TULP4: variants seen among roughly 807,000 people sequenced by gnomAD.
The protein encoded by TULP4 is tubby-related protein 4.
TULP4 carries 16 observed loss-of-function variants against 129.0 expected under a neutral mutation model. That is an observed-to-expected ratio of 0.12 (90% confidence interval 0.08 to 0.19). TULP4 has a LOEUF of 0.19. TULP4 is among the 10% of genes least tolerant of loss of function. TULP4 has a pLI of 1.00. For synonymous variants in TULP4, 998 were observed against 854.0 expected (o/e 1.17, Z -2.94); for missense variants, 1,842 against 2,059.1 (o/e 0.89, Z 2.04).
At chr6:158,353,491 A>G (rs566099684) in intron 1 of TULP4, among the ~76,000 whole-genome samples, 3 of 152,282 alleles carry the variant, frequency 2.0e-5, no homozygotes, top group East Asian at 1.9e-4. Context: ...ATACACATTT[A>G]TATATATTTA....
chr6:158,365,681 C>T (rs568807161), intron 1 of TULP4, among the ~76,000 whole-genome samples: 3 of 151,626 alleles, frequency 2.0e-5, no homozygotes, highest in Admixed American at 6.6e-5. Context: ...CCATGTTAGC[C>T]AATAGGGTCT....
intron 1 of TULP4, chr6:158,242,018 T>A: frequency 1.2e-6 from 1 of 819,116 alleles, no homozygotes; most frequent in Non-Finnish European, 2.2e-6. Flanking sequence ...ATGGTAATGA[T>A]GTTATTTGCA....
At chr6:158,465,569 C>G (rs528635494) in intron 6 of TULP4, among the ~76,000 whole-genome samples, 25 of 152,206 alleles carry the variant, frequency 1.6e-4, no homozygotes, top group Non-Finnish European at 3.2e-4. Context: ...GAGGAACTGC[C>G]GTACTGTTTT....
chr6:158,402,176 C>CT (rs1158401224), intron 1 of TULP4, among the ~76,000 whole-genome samples: 1 of 152,186 alleles, frequency 6.6e-6, no homozygotes. Flanking sequence ...TTGCCTAAAC[C>CT]TAGCTCTTCC....
At chr6:158,368,406 G>A (rs781477808) in intron 1 of TULP4, among the ~76,000 whole-genome samples, 7 of 152,248 alleles carry the variant, frequency 4.6e-5, no homozygotes, top group East Asian at 3.9e-4. Flanking sequence ...AGGTTCCAGC[G>A]ATTCTCATGC....
In TULP4 at chr6:158,429,758, A is replaced by G; in HGVS notation, c.404A>G (p.His135Arg). The change falls in exon 3 of 14, where the codon CAT becomes CGT. Residue 135 changes from histidine to arginine, a missense_variant. By Grantham distance (29) the His-to-Arg change is conservative (BLOSUM62 0). Transcript: ENST00000367097. ...AAGGTGAGTGATTTCACGTGGAGCC[A>G]TGATGGAACTCAAGCACTTATTTCC... is the stretch of plus-strand genomic sequence containing the variant. The part of the protein sequence containing the change: ...GAQVSDFTWS[H>R]DGTQALISYR... The G allele has an allele frequency of 6.2e-7, 1 of 1,613,216 alleles. No homozygotes were observed. Among genetic ancestry groups the G allele is most frequent in the Non-Finnish European group, 8.5e-7 (1 of 1,179,578 alleles).
intron 1 of TULP4, among the ~76,000 whole-genome samples, chr6:158,295,325 T>C (rs560421956): frequency 6.6e-6 from 1 of 152,160 alleles, no homozygotes; most frequent in Non-Finnish European, 1.5e-5. Flanking sequence ...TTTTCTAGAT[T>C]GGGAGAGTAC....
At chr6:158,416,463 A>G (rs989416953) in intron 2 of TULP4, among the ~76,000 whole-genome samples, 1 of 152,230 alleles carries the variant, frequency 6.6e-6, no homozygotes. Flanking sequence ...AAAGAAAAAA[A>G]AAATTAATAG....
rs188386120 is a variant in TULP4 at position 158,322,042 on chromosome 6, C to T, written c.252+7774C>T. ...ACTGGCAAGCCAGGTTCTGTGTCCA[C>T]CTCACTGTGCATAGTGATGACCAAC... On this transcript the variant is annotated intron_variant, in intron 1 of 13. Transcript: ENST00000367097. Among the ~76,000 whole-genome samples, 167 of 152,308 alleles carry T rather than the reference C, an allele frequency of 1.1e-3. No individual in the cohort carries two copies. In the Middle Eastern group the frequency reaches 0.014, roughly 12 times the overall value.
chr6:158,377,335 A>G (rs1777216192), intron 1 of TULP4, among the ~76,000 whole-genome samples: 1 of 152,226 alleles, frequency 6.6e-6, no homozygotes, highest in Non-Finnish European at 1.5e-5. Flanking sequence ...GTATTATGCT[A>G]CAGATGTGGC....
rs112299868 is a variant in TULP4, at chr6:158,505,860, C to CT, written c.4516-706dup. 9.0e-3 allele frequency among the ~76,000 whole-genome samples: 1,308 copies of CT among 146,054 alleles called. 18 individuals are homozygous for CT. Among genetic ancestry groups the CT allele is most frequent in the African/African-American group, 0.029 (1,160 of 39,990 alleles). On this transcript the variant is annotated intron_variant, in intron 13 of 13. Transcript: ENST00000367097. ...TTTGGCCTGTAGCATTCACCCCATT[C>CT]TTTTTTTTTTTTCTTTTTTCTTTTA...
intron 5 of TULP4, 128 bp from the exon 6 acceptor site, chr6:158,461,435 C>A: frequency 2.1e-5 from 17 of 812,592 alleles, no homozygotes; most frequent in Admixed American, 9.6e-5. Context: ...AAGGAAAAAA[C>A]CATGAATATA....
intron 1 of TULP4, among the ~76,000 whole-genome samples, chr6:158,349,031 G>T (rs1320324354): frequency 1.7e-5 from 1 of 60,128 alleles, no homozygotes. Flanking sequence ...CGGGGCAGCC[G>T]GGCAGAGGCG....
chr6:158,349,997 G>A (rs1283969005), intron 1 of TULP4, among the ~76,000 whole-genome samples: 7 of 140,588 alleles, frequency 5.0e-5, no homozygotes, highest in African/African-American at 8.1e-5. Flanking sequence ...GGGCAGAGGC[G>A]CTCCTCACTT....
chr6:158,352,674 C>T (rs1403328576), intron 1 of TULP4, among the ~76,000 whole-genome samples: 1 of 152,210 alleles, frequency 6.6e-6, no homozygotes, highest in South Asian at 2.1e-4. Flanking sequence ...GGATTACAGG[C>T]GTGAGCCACC....
intron 1 of TULP4, among the ~76,000 whole-genome samples, chr6:158,368,226 T>C (rs1464198296): frequency 6.6e-6 from 1 of 152,190 alleles, no homozygotes; most frequent in East Asian, 1.9e-4. Flanking sequence ...AAAAGTATGA[T>C]TTGAATTTTT....
chr6:158,306,269 A>G (rs971227395), intron 1 of TULP4, among the ~76,000 whole-genome samples: 2 of 152,230 alleles, frequency 1.3e-5, no homozygotes, highest in African/African-American at 4.8e-5. Flanking sequence ...TAAGATTTAC[A>G]TTTGGCTGGG....
intron 5 of TULP4, among the ~76,000 whole-genome samples, chr6:158,454,898 A>G (rs66578692): frequency 0.42 from 63,331 of 151,194 alleles, 14,502 homozygotes; most frequent in African/African-American, 0.62. Flanking sequence ...GAGCCACCAT[A>G]CCCATCCTGG....
chr6:158,501,560 T>C, intron 12 of TULP4, 118 bp from the exon 13 acceptor site: 3 of 1,053,596 alleles, frequency 2.8e-6, no homozygotes, highest in Non-Finnish European at 4.1e-6. Context: ...TCTCTGTCTC[T>C]GGCAATTTGC....
Sources: allele counts gnomAD v4.1 joint callset (sites outside exome capture counted in the v4.1 genomes callset), GRCh38; gene constraint gnomAD v4.1.1; transcripts MANE v1.5; gene names NCBI Gene and HGNC (gene_info 2026-07-23, HGNC 2026-07-21).